The following ZNF100 variants were observed in gnomAD, a reference collection of about 807,000 sequenced individuals.
ZNF100 encodes the protein zinc finger protein 100.
In ZNF100, 12 loss-of-function variants were observed where a neutral mutation model predicts 15.8. The ratio of observed to expected loss-of-function variants is 0.76; its 90% CI spans 0.49 to 1.23. The LOEUF (loss-of-function observed/expected upper bound fraction) is 1.23, where lower values mean the gene tolerates loss of function less well. Among genes scored for constraint, ZNF100 ranks in the 50% most tolerant of loss-of-function variants. ZNF100 has a pLI of 0.00. For missense variants in ZNF100, 670 were observed against 635.6 expected (o/e 1.05, Z -0.58); for synonymous variants, 226 against 214.8 (o/e 1.05, Z -0.45).
At chr19:21,731,485 T>C (rs2035919433) in intron 4 of ZNF100, among the ~76,000 whole-genome samples, 1 of 151,956 alleles carries the variant, frequency 6.6e-6, no homozygotes. Context: ...ATTTTTGTAT[T>C]TTTAGCAGAG....
chr19:21,754,949 A>C (rs1230783479), intron 2 of ZNF100, among the ~76,000 whole-genome samples: 1 of 152,224 alleles, frequency 6.6e-6, no homozygotes. Context: ...ATTTAAAAGA[A>C]AGACAACCCC....
chr19:21,740,874 A>G (rs536684166), intron 4 of ZNF100, among the ~76,000 whole-genome samples: 2 of 152,190 alleles, frequency 1.3e-5, no homozygotes, highest in African/African-American at 4.8e-5. Flanking sequence ...CAAATAATTA[A>G]AAGTGGAATT....
intron 4 of ZNF100, among the ~76,000 whole-genome samples, chr19:21,741,532 G>A (rs937528510): frequency 1.3e-5 from 2 of 151,986 alleles, no homozygotes; most frequent in African/African-American, 2.4e-5. Context: ...CTGTCACAAG[G>A]CCCCGCTAAT....
chr19:21,745,257 G>C (rs1216428842), intron 2 of ZNF100, among the ~76,000 whole-genome samples, 190 bp from the exon 3 acceptor site: 1 of 152,130 alleles, frequency 6.6e-6, no homozygotes, highest in Admixed American at 6.5e-5. Context: ...AGAAGAGAAT[G>C]GCATAAGATC....
In ZNF100 at chr19:21,745,075, G is replaced by A; in HGVS notation, c.97-8C>T. On this transcript the variant is annotated splice_region_variant and splice_polypyrimidine_tract_variant and intron_variant, in intron 2 of 4. Transcript: ENST00000358296. ...CCTAAACGTCAATGGCCCCTGAAAA[G>A]CACAAGCACAGAGACACACATATAT... 6.3e-7 allele frequency: 1 copy of A among 1,595,326 alleles called. No individual in the cohort carries two copies. Among genetic ancestry groups the A allele is most frequent in the Admixed American group, 1.7e-5 (1 of 57,150 alleles).
intron 1 of ZNF100, 66 bp downstream of exon 1, chr19:21,767,361 C>A: frequency 6.2e-7 from 1 of 1,609,824 alleles, no homozygotes; most frequent in Non-Finnish European, 8.5e-7. Context: ...CCCGCCACAG[C>A]TACTTCCCAC....
chr19:21,767,302 G>A, intron 1 of ZNF100, 125 bp downstream of exon 1: 1 of 1,540,300 alleles, frequency 6.5e-7, no homozygotes, highest in Non-Finnish European at 8.9e-7. Flanking sequence ...GACGGAGGCC[G>A]AGCTGGGCAA....
At chr19:21,751,714 T>A in intron 2 of ZNF100, 1 of 1,200,256 alleles carries the variant, frequency 8.3e-7, no homozygotes, top group Non-Finnish European at 1.2e-6. Context: ...CTAGTGTTTA[T>A]GCCAAACACT....
At chr19:21,742,390 T>TC (rs2036129158) in intron 4 of ZNF100, among the ~76,000 whole-genome samples, 1 of 146,570 alleles carries the variant, frequency 6.8e-6, no homozygotes, top group African/African-American at 2.5e-5. Flanking sequence ...TTTTTTTTTT[T>TC]TTTTTGAGAC....
chr19:21,757,512 C>T (rs144891182), intron 2 of ZNF100, among the ~76,000 whole-genome samples: 39 of 152,252 alleles, frequency 2.6e-4, no homozygotes, highest in East Asian at 7.7e-4. Context: ...ACTGTTGGTG[C>T]GAGTGTAAAT....
At chr19:21,736,017 C>A (rs1394643998) in intron 4 of ZNF100, among the ~76,000 whole-genome samples, 1 of 151,978 alleles carries the variant, frequency 6.6e-6, no homozygotes. Flanking sequence ...CTCGATCTCC[C>A]GACCTCATGA....
Position 21,726,826 on chromosome 19 carries a change from G to A in ZNF100, c.1486C>T (p.Arg496Ter), listed in dbSNP as rs766899150. 1.4e-5 allele frequency: 22 copies of A among 1,613,536 alleles called. No homozygotes were observed. Among genetic ancestry groups the A allele is most frequent in the African/African-American group, 5.3e-5 (4 of 74,842 alleles). ...KCEECGKAFN[R>*]SSTLTKHKIT... Reference sequence around the variant, plus strand: ...TTATGTTTAGTAAGGGTTGAGGATCGGTTAAAAGCTTTGCCACATTCCTCA... The same window carrying A: ...TTATGTTTAGTAAGGGTTGAGGATCAGTTAAAAGCTTTGCCACATTCCTCA... Residue 496 changes from arginine (R) to a stop codon, truncating the protein, a stop_gained, in exon 5 of 5, where the codon CGA becomes TGA. Transcript: ENST00000358296. LOFTEE classifies it low-confidence loss of function (END_TRUNC).
chr19:21,751,687 T>A, intron 2 of ZNF100: 1 of 1,229,696 alleles, frequency 8.1e-7, no homozygotes, highest in Non-Finnish European at 1.2e-6. Context: ...TTCTTCAGTT[T>A]AATATTAATG....
chr19:21,753,853 G>A (rs577191428), intron 2 of ZNF100, among the ~76,000 whole-genome samples: 1 of 152,252 alleles, frequency 6.6e-6, no homozygotes, highest in Admixed American at 6.5e-5. Context: ...GATATGAACA[G>A]CTGTTTTATC....
At chr19:21,728,129 TG>T in intron 4 of ZNF100, 140 bp from the exon 5 acceptor site, 2 of 838,192 alleles carry the variant, frequency 2.4e-6, no homozygotes. Flanking sequence ...GACATATAAA[TG>T]TAAAAAAAAA....
At chr19:21,746,061 A>G (rs989651816) in intron 2 of ZNF100, among the ~76,000 whole-genome samples, 2 of 152,260 alleles carry the variant, frequency 1.3e-5, no homozygotes, top group African/African-American at 4.8e-5. Flanking sequence ...GATGCCTAAT[A>G]ATGACAAGAA....
rs1192203590 is a variant in ZNF100, at chr19:21,723,625, A to G, written c.*3058T>C. On this transcript the variant is annotated 3_prime_UTR_variant, in exon 5 of 5. Transcript: ENST00000358296. Reference sequence around the variant, plus strand: ...AGCCTGGAAACTATGTCCTCTCCACATGAAGAATCAATTTTATTTCTTCAC... The same window carrying G: ...AGCCTGGAAACTATGTCCTCTCCACGTGAAGAATCAATTTTATTTCTTCAC... 6.6e-6 allele frequency: 1 copy of G among 152,210 alleles called. No individual in the cohort carries two copies. Among genetic ancestry groups the G allele is most frequent in the Non-Finnish European group, 1.5e-5 (1 of 68,044 alleles). The allele number at this position is 152,210 out of a possible 1,614,324, so 9.4% of individuals were successfully genotyped here. A position where few individuals can be genotyped will look rare whatever the true frequency, so the allele number is the denominator to read the frequency against.
intron 2 of ZNF100, among the ~76,000 whole-genome samples, chr19:21,754,206 ATG>A (rs2036355939): frequency 6.6e-6 from 1 of 151,688 alleles, no homozygotes; most frequent in South Asian, 2.1e-4. Flanking sequence ...ATGATAAATA[ATG>A]GTATAAAAAT....
rs1272735289 is a variant in ZNF100 at position 21,724,194 on chromosome 19, G to GA, written c.*2488dup. Reference sequence around the variant, plus strand: ...AGTAATAAATTCAATACAAAGCAGAGAATACATTTTCTTTTAGCATTTTTG... The same window carrying GA: ...AGTAATAAATTCAATACAAAGCAGAGAAATACATTTTCTTTTAGCATTTTTG... On this transcript the variant is annotated 3_prime_UTR_variant, in exon 5 of 5. Transcript: ENST00000358296. 1 of 152,108 alleles carries GA rather than the reference G, an allele frequency of 6.6e-6. No individual in the cohort carries two copies. Among genetic ancestry groups the GA allele is most frequent in the Admixed American group, 6.6e-5 (1 of 15,254 alleles). 9.4% of individuals were successfully genotyped at this position (152,108 alleles called of 1,614,324 possible). A position where few individuals can be genotyped will look rare whatever the true frequency, so the allele number is the denominator to read the frequency against.
Sources: gnomAD v4.1 joint callset for allele counts (sites outside exome capture counted in the v4.1 genomes callset) on GRCh38, gnomAD v4.1.1 for gene constraint, MANE v1.5 for transcripts, NCBI Gene and HGNC (gene_info 2026-07-23, HGNC 2026-07-21) for gene names.